MAPT: variants seen among roughly 807,000 people sequenced by gnomAD.
The protein encoded by MAPT is microtubule-associated protein tau.
A neutral mutation model predicts 67.9 loss-of-function variants in MAPT; 34 were observed. The ratio of observed to expected loss-of-function variants is 0.50; its 90% CI spans 0.38 to 0.67. MAPT has a LOEUF of 0.67. Among genes scored for constraint, MAPT ranks in the 30% least tolerant of loss-of-function variants. The probability of loss-of-function intolerance (pLI) is 0.00; values close to 1 mark genes in which losing one functional copy is unlikely to be tolerated. For synonymous variants in MAPT, 456 were observed against 464.5 expected, an observed-to-expected ratio of 0.98 and a Z score of 0.23; for missense variants, 881 against 1,115.2, an observed-to-expected ratio of 0.79 and a Z score of 2.99.
chr17:45,978,419 G>A lies in MAPT; in HGVS notation c.265G>A (p.Ala89Thr). 6.2e-7 allele frequency: 1 copy of A among 1,613,730 alleles called. No individual in the cohort carries two copies. The highest frequency in any genetic ancestry group is 8.5e-7 in the Non-Finnish European group (1 of 1,179,970). Residue 89 changes from alanine to threonine, a missense_variant, in exon 4 of 13, where the codon GCT becomes ACT. Physicochemically the swap from Ala to Thr is moderately conservative, Grantham distance 58. Coordinates refer to ENST00000262410, the MANE Select transcript of MAPT (RefSeq NM_001377265.1). The stretch of plus-strand genomic sequence containing the variant: ...AGACACCCCCAGCCTGGAAGACGAA[G>A]CTGCTGGTCACGTGACCCAAGGTCA... ...IGDTPSLEDE[A>T]AGHVTQEELR... is the part of the protein sequence containing the mutation.
chr17:46,022,639 A>G (rs1259908891), intron 12 of MAPT, among the ~76,000 whole-genome samples: 1 of 152,192 alleles, frequency 6.6e-6, no homozygotes, highest in Non-Finnish European at 1.5e-5. Context: ...AGGGCTGAGA[A>G]TGACCGTGTC....
intron 1 of MAPT, among the ~76,000 whole-genome samples, chr17:45,901,375 G>A (rs147793842): frequency 1.8e-3 from 269 of 152,286 alleles, no homozygotes; most frequent in African/African-American, 6.0e-3. Flanking sequence ...AGAAAGTAAT[G>A]GCAGTCAGGG....
chr17:45,941,684 T>TTCCTTCCTCCCC (rs2067939815), intron 1 of MAPT, among the ~76,000 whole-genome samples: 1 of 51,418 alleles, frequency 1.9e-5, no homozygotes, highest in African/African-American at 9.7e-5. Flanking sequence ...CCTTCCCTCC[T>TTCCTTCCTCCCC]TCCTTCCTTC....
At chr17:45,940,312 A>T (rs1324318042) in intron 1 of MAPT, among the ~76,000 whole-genome samples, 1 of 152,158 alleles carries the variant, frequency 6.6e-6, no homozygotes, top group African/African-American at 2.4e-5. Flanking sequence ...GAACCTGCCC[A>T]ATCTTGTCTG....
At position 45,996,599 on chromosome 17, in the gene MAPT, C is replaced by T; in HGVS notation, c.1933C>T (p.Leu645=). 6.2e-7 allele frequency: 1 copy of T among 1,614,002 alleles called. No individual in the cohort carries two copies. The highest frequency in any genetic ancestry group is 1.1e-5 in the South Asian group (1 of 91,072). Reference sequence around the variant, plus strand: ...GACAGCCCCCGTGCCCATGCCAGACCTGAAGAATGTCAAGTCCAAGATCGG... The same window carrying T: ...GACAGCCCCCGTGCCCATGCCAGACTTGAAGAATGTCAAGTCCAAGATCGG... ...LQTAPVPMPD[L]KNVKSKIGST... Residue 645 remains leucine (L), a synonymous_variant, in exon 9 of 13, where the codon CTG becomes TTG. Coordinates refer to ENST00000262410, the MANE Select transcript of MAPT (RefSeq NM_001377265.1). This position sits in a 1 kb window ranked among gnomAD's most constrained non-coding sequence, Gnocchi z 4.5.
chr17:45,949,891 A>T (rs936582225), intron 1 of MAPT, among the ~76,000 whole-genome samples: 18 of 152,312 alleles, frequency 1.2e-4, no homozygotes, highest in East Asian at 5.8e-4. Context: ...AGATCGTGGG[A>T]AACCTACAGA....
At position 45,978,344 on chromosome 17, in the gene MAPT, A is replaced by AC. The variant is rs1270393400; in HGVS notation, c.221-25dup. ...AGTAAACAATAACTGTCTTGCTTTTACCCCCCTTCATTTGCTGACACATAC... is the reference window on the plus strand; with the variant it reads ...AGTAAACAATAACTGTCTTGCTTTTACCCCCCCTTCATTTGCTGACACATAC... On this transcript the variant is annotated intron_variant, in intron 3 of 12. Transcript: ENST00000262410. 8.9e-6 allele frequency: 14 copies of AC among 1,566,496 alleles called. No homozygotes were observed. The African/African-American group carries it at 1.1e-4, about 12-fold the overall frequency.
chr17:45,917,662 G>A (rs1597915774), intron 1 of MAPT, among the ~76,000 whole-genome samples: 1 of 152,280 alleles, frequency 6.6e-6, no homozygotes, highest in East Asian at 1.9e-4. Flanking sequence ...CCCAGGGTGA[G>A]GGAACAGTTC....
At chr17:45,972,283 A>G (rs1196567823) in intron 3 of MAPT, among the ~76,000 whole-genome samples, 1 of 152,186 alleles carries the variant, frequency 6.6e-6, no homozygotes. Flanking sequence ...TAGGTCCCAG[A>G]GCAGCCATTT....
chr17:45,946,152 G>C (rs242558), intron 1 of MAPT, among the ~76,000 whole-genome samples: 149,367 of 152,218 alleles, frequency 0.98, 73,353 homozygotes, highest in East Asian at 1. Context: ...AGAGGAAACT[G>C]CTTCTCATCC....
intron 2 of MAPT, among the ~76,000 whole-genome samples, chr17:45,965,572 CG>C (rs1555698467): frequency 6.6e-6 from 1 of 151,846 alleles, no homozygotes; most frequent in Non-Finnish European, 1.5e-5. Context: ...CCTACCACCA[CG>C]CCTGGCCAGT....
chr17:45,912,954 T>G (rs1440412208), intron 1 of MAPT, among the ~76,000 whole-genome samples: 1 of 152,172 alleles, frequency 6.6e-6, no homozygotes, highest in Non-Finnish European at 1.5e-5. Flanking sequence ...GAGAGGGCAG[T>G]CAGACAGTTG....
At chr17:45,956,565 TATATATATATATATATATATATATATA>T (rs1301718490) in intron 1 of MAPT, among the ~76,000 whole-genome samples, 209 of 19,310 alleles carry the variant, frequency 0.011, 3 homozygotes, top group South Asian at 0.037. Flanking sequence ...TATATATATA[TATATATATATATATATATATATATATA>T]TATATATATT....
In MAPT at chr17:45,994,081, G is replaced by A. The variant is rs891045818; in HGVS notation, c.1733-2318G>A. 2.7e-6 allele frequency: 3 copies of A among 1,124,518 alleles called. No individual in the cohort carries two copies. In the East Asian group the frequency reaches 7.8e-5, roughly 29 times the overall value. The allele number at this position is 1,124,518 out of a possible 1,614,324, so 69.7% of individuals were successfully genotyped here. On this transcript the variant is annotated intron_variant, in intron 8 of 12. Transcript: ENST00000262410. ...GGAGGACCCTTTTCTGCAATGCAGG[G>A]TTCACACAGGGTTCGCAGCCTGAAG...
At chr17:45,991,711 T>G in intron 8 of MAPT, 125 bp downstream of exon 8, 1 of 1,327,474 alleles carries the variant, frequency 7.5e-7, no homozygotes, top group Non-Finnish European at 1.1e-6. Context: ...AGCTTGCAGT[T>G]TACTAAGCAC....
At chr17:45,985,698 G>A (rs2145686392) in intron 5 of MAPT, 1 of 985,420 alleles carries the variant, frequency 1.0e-6, no homozygotes, top group Non-Finnish European at 1.2e-6. Flanking sequence ...AGATTCTTTT[G>A]TTGTGCCGTG....
chr17:45,928,785 T>A (rs1352600394), intron 1 of MAPT, among the ~76,000 whole-genome samples: 1 of 152,180 alleles, frequency 6.6e-6, no homozygotes, highest in Non-Finnish European at 1.5e-5. Context: ...AAGCTCCGCC[T>A]CTCGGGTTCA....
intron 1 of MAPT, among the ~76,000 whole-genome samples, chr17:45,928,066 A>G (rs1454048204): frequency 1.3e-5 from 2 of 150,238 alleles, no homozygotes; most frequent in African/African-American, 4.9e-5. Context: ...TCCTCCCAAC[A>G]TGTCCCTGTT....
Position 46,024,670 on chromosome 17 carries a change from A to G in MAPT, c.*499A>G. The G allele has an allele frequency of 8.8e-6, 1 of 113,726 alleles. No individual in the cohort carries two copies. Among genetic ancestry groups the G allele is most frequent in the Non-Finnish European group, 1.6e-5 (1 of 62,444 alleles). 7.0% of individuals were successfully genotyped at this position (113,726 alleles called of 1,614,324 possible). On this transcript the variant is annotated 3_prime_UTR_variant, in exon 13 of 13. Transcript: ENST00000262410. ...AGGCAGACGATGTCAACCTTGTGTG[A>G]GTGTGACGGGGGTTGGGGTGGGGCG...
Sources: allele counts gnomAD v4.1 joint callset (sites outside exome capture counted in the v4.1 genomes callset), GRCh38; gene constraint gnomAD v4.1.1; non-coding constraint Gnocchi (gnomAD v3.1); transcripts MANE v1.5; gene names NCBI Gene and HGNC (gene_info 2026-07-23, HGNC 2026-07-21).